Variants in CAPN13 observed in about 807,000 individuals in gnomAD.
The protein encoded by CAPN13 is calpain 13, also known as calpain-13.
Under a neutral mutation model 98.4 loss-of-function variants are expected in CAPN13, and 90 were observed. That is an observed-to-expected ratio of 0.92 (90% CI 0.77 to 1.09). CAPN13 has a LOEUF of 1.09. Ranked by LOEUF, CAPN13 falls within the 50% of genes least tolerant of loss-of-function variation. The pLI is 0.00. For synonymous variants in CAPN13, 330 were observed against 305.5 expected (o/e 1.08, Z -0.84); for missense variants, 887 against 841.3 (o/e 1.05, Z -0.67).
intron 15 of CAPN13, among the ~76,000 whole-genome samples, chr2:30,741,159 C>T (rs1029856092): frequency 1.3e-5 from 2 of 152,178 alleles, no homozygotes; most frequent in Non-Finnish European, 2.9e-5. Context: ...CTGTGTACAG[C>T]TGCTCTTTGC....
intron 7 of CAPN13, among the ~76,000 whole-genome samples, chr2:30,758,553 C>T (rs567643523): frequency 2.9e-4 from 44 of 152,242 alleles, no homozygotes; most frequent in African/African-American, 9.9e-4. Flanking sequence ...GATTCTCTGC[C>T]GGCAGCCCAG....
chr2:30,723,933 A>G (rs572385404), intron 22 of CAPN13, among the ~76,000 whole-genome samples: 24 of 152,338 alleles, frequency 1.6e-4, no homozygotes, highest in Middle Eastern at 3.4e-3. Context: ...GAAAAATAGC[A>G]GGTTCTTGTC....
At chr2:30,768,067 T>A (rs1673198086) in intron 5 of CAPN13, among the ~76,000 whole-genome samples, 1 of 152,230 alleles carries the variant, frequency 6.6e-6, no homozygotes, top group South Asian at 2.1e-4. Context: ...TGCTTTTATC[T>A]GCTAGCAATG....
At chr2:30,801,800 C>T (rs916240691) in intron 1 of CAPN13, among the ~76,000 whole-genome samples, 5 of 151,934 alleles carry the variant, frequency 3.3e-5, no homozygotes, top group South Asian at 2.1e-4. Flanking sequence ...ATGGCCCAGA[C>T]GCAGGGAGGA....
intron 7 of CAPN13, among the ~76,000 whole-genome samples, chr2:30,760,243 G>A (rs1672774613): frequency 6.6e-6 from 1 of 152,146 alleles, no homozygotes; most frequent in South Asian, 2.1e-4. Flanking sequence ...CCCGCCTAAT[G>A]CCCGGCTAAT....
At chr2:30,805,736 A>G (rs1427057967) in intron 1 of CAPN13, among the ~76,000 whole-genome samples, 2 of 62,676 alleles carry the variant, frequency 3.2e-5, no homozygotes, top group Non-Finnish European at 6.6e-5. Flanking sequence ...CCTCAGGGCC[A>G]GTAGGTTGGT....
intron 1 of CAPN13, among the ~76,000 whole-genome samples, chr2:30,799,274 T>A (rs1675046312): frequency 6.6e-6 from 1 of 152,200 alleles, no homozygotes; most frequent in Admixed American, 6.5e-5. Context: ...CATGTGAGTA[T>A]TTCTCAAAGA....
At chr2:30,741,887 C>G in intron 15 of CAPN13, 21 bp downstream of exon 15, 1 of 1,613,928 alleles carries the variant, frequency 6.2e-7, no homozygotes, top group Non-Finnish European at 8.5e-7. Context: ...ACGTAAGGCC[C>G]CTGGGTGCTA....
chr2:30,771,011 C>T (rs954156559), intron 4 of CAPN13, among the ~76,000 whole-genome samples: 1 of 152,198 alleles, frequency 6.6e-6, no homozygotes. Context: ...CGAGCAGTGA[C>T]AGCCTCCCTC....
At chr2:30,758,890 C>T (rs1455469514) in intron 7 of CAPN13, among the ~76,000 whole-genome samples, 1 of 146,604 alleles carries the variant, frequency 6.8e-6, no homozygotes, top group Non-Finnish European at 1.5e-5. Context: ...ACCCTCCTTT[C>T]CCTTACTCCC....
rs186458972 is a variant in CAPN13 at position 30,802,429 on chromosome 2, T to C, written c.-33+4873A>G. ...ATATTAAATATGTCAAAAAGCAACA[T>C]GAAAAAGAAGGAGCTTAGAATGTGT... On this transcript the variant is annotated intron_variant, in intron 1 of 22. Coordinates refer to ENST00000295055, the MANE Select transcript of CAPN13 (RefSeq NM_144575.3). Among the ~76,000 whole-genome samples the C allele has an allele frequency of 3.0e-3, 441 of 149,078 alleles. 4 individuals are homozygous for C. Among genetic ancestry groups the C allele is most frequent in the Middle Eastern group, 0.01 (3 of 294 alleles).
At chr2:30,795,523 C>T (rs1396693195) in intron 1 of CAPN13, among the ~76,000 whole-genome samples, 1 of 152,046 alleles carries the variant, frequency 6.6e-6, no homozygotes, top group Non-Finnish European at 1.5e-5. Context: ...TTGAGCATCT[C>T]TCAATATGTT....
intron 2 of CAPN13, among the ~76,000 whole-genome samples, chr2:30,778,046 C>A (rs550655660): frequency 6.0e-4 from 92 of 152,196 alleles, no homozygotes; most frequent in South Asian, 1.7e-3. Context: ...CATAATAAAG[C>A]TTTTGTTGTG....
intron 1 of CAPN13, among the ~76,000 whole-genome samples, chr2:30,798,162 C>T (rs1415813961): frequency 6.6e-6 from 1 of 152,226 alleles, no homozygotes; most frequent in Non-Finnish European, 1.5e-5. Flanking sequence ...ATGGCTAGTG[C>T]AATTCAGGGA....
chr2:30,758,789 T>TCCTTTCCTTCCTCCCTCCCTTCCCTC (rs1672609284), intron 7 of CAPN13, among the ~76,000 whole-genome samples: 2 of 109,134 alleles, frequency 1.8e-5, no homozygotes, highest in African/African-American at 3.4e-5. Context: ...TCCCTCCCTT[T>TCCTTTCCTTCCTCCCTCCCTTCCCTC]CCTTTCCTTC....
intron 1 of CAPN13, among the ~76,000 whole-genome samples, chr2:30,803,624 C>A (rs141123578): frequency 6.6e-6 from 1 of 152,348 alleles, no homozygotes; most frequent in African/African-American, 2.4e-5. Flanking sequence ...TCCTTAGAGG[C>A]AGCTCGTCAC....
At chr2:30,776,511 C>A (rs1329121499) in intron 3 of CAPN13, among the ~76,000 whole-genome samples, 1 of 152,214 alleles carries the variant, frequency 6.6e-6, no homozygotes, top group Non-Finnish European at 1.5e-5. Flanking sequence ...GCACGTCCAG[C>A]CTCTGATTCT....
intron 13 of CAPN13, 86 bp downstream of exon 13, chr2:30,743,297 T>C: frequency 8.4e-7 from 1 of 1,190,624 alleles, no homozygotes; most frequent in Non-Finnish European, 1.3e-6. Flanking sequence ...GCTGCACGAA[T>C]GCACAGAGAA....
At chr2:30,723,784 G>A (rs148796447) in intron 22 of CAPN13, among the ~76,000 whole-genome samples, 5 of 152,280 alleles carry the variant, frequency 3.3e-5, no homozygotes, top group Admixed American at 1.3e-4. Context: ...GGGGTAAAGA[G>A]GCCTCAACTC....
Sources: gnomAD v4.1 joint callset for allele counts (sites outside exome capture counted in the v4.1 genomes callset) on GRCh38, gnomAD v4.1.1 for gene constraint, MANE v1.5 for transcripts, NCBI Gene and HGNC (gene_info 2026-07-23, HGNC 2026-07-21) for gene names.